Variants in TP53BP2 observed in about 807,000 individuals in gnomAD.
The protein encoded by TP53BP2 is apoptosis-stimulating of p53 protein 2.
Under a neutral mutation model 126.2 loss-of-function variants are expected in TP53BP2, and 62 were observed. The ratio of observed to expected loss-of-function variants is 0.49; its 90% CI spans 0.40 to 0.61. The LOEUF is 0.61. Ranked by LOEUF, TP53BP2 falls within the 20% of genes least tolerant of loss-of-function variation. TP53BP2 has a pLI of 0.00. For missense variants in TP53BP2, 1,215 were observed against 1,402.8 expected (o/e 0.87, Z 2.14); for synonymous variants, 485 against 502.9 (o/e 0.96, Z 0.48).
In TP53BP2 at chr1:223,810,450, T is replaced by C. The variant is rs1662873055; in HGVS notation, c.353A>G (p.Tyr118Cys). Residue 118 changes from tyrosine (Y) to cysteine (C), a missense_variant, in exon 4 of 18, where the codon TAT becomes TGT. By Grantham distance (194) the Tyr-to-Cys change is radical (BLOSUM62 -2). Transcript: ENST00000343537. ...ACTTACACCGTTCTCCTTTCTTCGA[T>C]ATTCACCAGGAACTTTTACACCATT... is the stretch of plus-strand genomic sequence containing the variant. ...KRNGVKVPGE[Y>C]RRKENGVNSP... The C allele has an allele frequency of 6.2e-7, 1 of 1,610,232 alleles. No individual in the cohort carries two copies.
chr1:223,789,461 A>G (rs978894034), intron 15 of TP53BP2, among the ~76,000 whole-genome samples: 3 of 152,220 alleles, frequency 2.0e-5, no homozygotes, highest in African/African-American at 4.8e-5. Context: ...ATGTGTATAA[A>G]CATTTAAGAA....
chr1:223,838,742 C>T (rs1027503939), intron 1 of TP53BP2, among the ~76,000 whole-genome samples: 4 of 152,192 alleles, frequency 2.6e-5, no homozygotes, highest in East Asian at 1.9e-4. Flanking sequence ...AACTTCAAGC[C>T]GTATTTACAG....
intron 14 of TP53BP2, 44 bp downstream of exon 14, chr1:223,793,259 G>C: frequency 7.1e-7 from 1 of 1,412,742 alleles, no homozygotes; most frequent in Non-Finnish European, 9.4e-7. Context: ...ATGACAGAGC[G>C]AGACTCTGAC....
chr1:223,780,749 A>T lies in TP53BP2; in HGVS notation c.*104T>A, dbSNP rs1025374064. On this transcript the variant is annotated 3_prime_UTR_variant, in exon 18 of 18. Coordinates refer to ENST00000343537, the MANE Select transcript of TP53BP2 (RefSeq NM_001031685.3). Reference sequence around the variant, plus strand: ...ACATTCTTCATCGCTTTCAAGCTACATTGTCATTAAAATAAGTCTTGTGAA... The same window carrying T: ...ACATTCTTCATCGCTTTCAAGCTACTTTGTCATTAAAATAAGTCTTGTGAA... 9.2e-7 allele frequency: 1 copy of T among 1,082,534 alleles called. No individual in the cohort carries two copies. The highest frequency in any genetic ancestry group is 1.4e-6 in the Non-Finnish European group (1 of 725,618). 67.1% of individuals were successfully genotyped at this position (1,082,534 alleles called of 1,614,324 possible).
chr1:223,842,083 G>A (rs1664120156), intron 1 of TP53BP2, among the ~76,000 whole-genome samples: 1 of 151,930 alleles, frequency 6.6e-6, no homozygotes, highest in Non-Finnish European at 1.5e-5. Context: ...GGGATTACAG[G>A]CACACGCCAC....
intron 1 of TP53BP2, 131 bp from the exon 2 acceptor site, chr1:223,821,498 C>T: frequency 7.8e-7 from 1 of 1,276,056 alleles, no homozygotes; most frequent in Non-Finnish European, 1.1e-6. Flanking sequence ...TGGCTGTCAC[C>T]CGGCCAAAGG....
intron 4 of TP53BP2, among the ~76,000 whole-genome samples, chr1:223,808,551 A>AAAAAAATG (rs1344161577): frequency 4.6e-5 from 7 of 151,924 alleles, no homozygotes; most frequent in Non-Finnish European, 8.8e-5. Context: ...AAAAAAAAAA[A>AAAAAAATG]AAAAAATGAA....
chr1:223,803,736 A>T (rs182642840), intron 6 of TP53BP2, among the ~76,000 whole-genome samples: 1 of 152,364 alleles, frequency 6.6e-6, no homozygotes, highest in East Asian at 1.9e-4. Context: ...TTTCAATTTT[A>T]TAACATTAGG....
chr1:223,783,083 C>A (rs903798901), intron 17 of TP53BP2, among the ~76,000 whole-genome samples: 21 of 152,216 alleles, frequency 1.4e-4, no homozygotes, highest in Non-Finnish European at 2.9e-5. Flanking sequence ...GGATCACTCA[C>A]AGACAGAATC....
rs761015582 is a variant in TP53BP2, at chr1:223,802,778, G to A, written c.949C>T (p.Arg317Trp). ...MDKRVNELRD[R>W]LWKKKAALQQ... ...AGAGCTGCCTTCTTCTTCCACAGCC[G>A]GTCCCTCAGCTCATTAACACGCTTA... is the stretch of plus-strand genomic sequence containing the variant. Residue 317 changes from arginine to tryptophan, a missense_variant, in exon 8 of 18, where the codon CGG becomes TGG. Physicochemically the swap from Arg to Trp is moderately radical, Grantham distance 101. This residue lies in a region of TP53BP2 where 814 missense variants were observed against 853.0 expected (regional missense o/e 0.95). Coordinates refer to ENST00000343537, the MANE Select transcript of TP53BP2 (RefSeq NM_001031685.3). The A allele has an allele frequency of 5.0e-6, 8 of 1,613,956 alleles. No homozygotes were observed. The highest frequency in any genetic ancestry group is 2.2e-5 in the East Asian group (1 of 44,876).
intron 17 of TP53BP2, among the ~76,000 whole-genome samples, chr1:223,782,234 AC>A (rs1661800293): frequency 6.6e-6 from 1 of 152,238 alleles, no homozygotes; most frequent in Non-Finnish European, 1.5e-5. Context: ...CATGTTATAC[AC>A]CATAAATATA....
chr1:223,800,582 C>T, intron 10 of TP53BP2, 118 bp downstream of exon 10: 1 of 732,250 alleles, frequency 1.4e-6, no homozygotes, highest in Non-Finnish European at 2.1e-6. Flanking sequence ...GAGATCCTGT[C>T]TTTAAAAAAA....
rs538398385 is a variant in TP53BP2 at position 223,794,818 on chromosome 1, T to C, written c.2724+997A>G. 2.2e-3 allele frequency among the ~76,000 whole-genome samples: 330 copies of C among 152,358 alleles called. 1 individual carries two copies. Among genetic ancestry groups the C allele is most frequent in the Non-Finnish European group, 4.0e-3 (271 of 68,040 alleles). On this transcript the variant is annotated intron_variant, in intron 13 of 17. Coordinates refer to ENST00000343537, the MANE Select transcript of TP53BP2 (RefSeq NM_001031685.3). ...TTCAAATGTTTAGTACATAAAACTT[T>C]TAAGCAAACATTTACTGTAACCAAT...
At chr1:223,843,121 A>G (rs1398450125) in intron 1 of TP53BP2, among the ~76,000 whole-genome samples, 1 of 152,194 alleles carries the variant, frequency 6.6e-6, no homozygotes, top group Non-Finnish European at 1.5e-5. Flanking sequence ...CCCACATAAA[A>G]GAAAACCACT....
chr1:223,798,653 C>G lies in TP53BP2; in HGVS notation c.1510G>C (p.Val504Leu), dbSNP rs1029796395. Reference sequence around the variant, plus strand: ...GGTTTTGTAGGAACAGGAGGTGGTACTTTAGCCACATTTTTATTTGCAACC... The same window carrying G: ...GGTTTTGTAGGAACAGGAGGTGGTAGTTTAGCCACATTTTTATTTGCAACC... ...AQVANKNVAK[V>L]PPPVPTKPKQ... Residue 504 changes from valine (V) to leucine (L), a missense_variant, in exon 12 of 18, where the codon GTA becomes CTA. Transcript: ENST00000343537. The G allele has an allele frequency of 5.0e-6, 8 of 1,608,486 alleles. No homozygotes were observed. In the Admixed American group the frequency reaches 6.8e-5, roughly 14 times the overall value.
At chr1:223,795,046 G>C (rs770313273) in intron 13 of TP53BP2, among the ~76,000 whole-genome samples, 1 of 152,194 alleles carries the variant, frequency 6.6e-6, no homozygotes, top group Non-Finnish European at 1.5e-5. Context: ...CTATGAAAAA[G>C]CAGACTTCAT....
intron 13 of TP53BP2, among the ~76,000 whole-genome samples, chr1:223,794,695 T>C (rs1229106997): frequency 1.3e-5 from 2 of 152,226 alleles, no homozygotes; most frequent in African/African-American, 4.8e-5. Flanking sequence ...CCTTCTTTTC[T>C]TATGTTTAAA....
At position 223,798,566 on chromosome 1, in the gene TP53BP2, C is replaced by G. The variant is rs1471537074; in HGVS notation, c.1597G>C (p.Asp533His). 1.2e-6 allele frequency: 2 copies of G among 1,614,154 alleles called. No homozygotes were observed. Among genetic ancestry groups the G allele is most frequent in the South Asian group, 2.2e-5 (2 of 91,086 alleles). The change falls in exon 12 of 18, where the codon GAC becomes CAC. Residue 533 changes from aspartate to histidine, a missense_variant. Asp to His is a moderately conservative substitution (Grantham distance 81). Coordinates refer to ENST00000343537, the MANE Select transcript of TP53BP2 (RefSeq NM_001031685.3). Reference sequence around the variant, plus strand: ...GTTGACAACTGCTGAGAACTTCCGTCTGGCTTAATGTCTGAAGGTGGCTGA... The same window carrying G: ...GTTGACAACTGCTGAGAACTTCCGTGTGGCTTAATGTCTGAAGGTGGCTGA... ...TNQPPSDIKP[D>H]GSSQQLSTVV... is the part of the protein sequence containing the mutation.
chr1:223,816,747 T>C (rs1311500839), intron 2 of TP53BP2, among the ~76,000 whole-genome samples: 2 of 152,188 alleles, frequency 1.3e-5, no homozygotes, highest in Non-Finnish European at 2.9e-5. Context: ...ATATATTACA[T>C]TTTCAAATGT....
Sources: allele counts gnomAD v4.1 joint callset (sites outside exome capture counted in the v4.1 genomes callset), GRCh38; gene constraint gnomAD v4.1.1; regional missense constraint gnomAD v4.1.1; transcripts MANE v1.5; gene names NCBI Gene and HGNC (gene_info 2026-07-23, HGNC 2026-07-21).